Variants in DHX35 observed in about 807,000 individuals in gnomAD.
The protein encoded by DHX35 is DEAH-box helicase 35.
In DHX35, 84 loss-of-function variants were observed where a neutral mutation model predicts 99.6. The ratio of observed to expected loss-of-function variants is 0.84; its 90% CI spans 0.71 to 1.01. The LOEUF (loss-of-function observed/expected upper bound fraction) is 1.01. Among genes scored for constraint, DHX35 ranks in the 50% least tolerant of loss-of-function variants. The probability of loss-of-function intolerance (pLI) is 0.00; values close to 1 mark genes in which losing one functional copy is unlikely to be tolerated. For synonymous variants in DHX35, 331 were observed against 316.2 expected, an observed-to-expected ratio of 1.05 and a Z score of -0.50; for missense variants, 852 against 888.5, an observed-to-expected ratio of 0.96 and a Z score of 0.52.
chr20:39,037,228 G>A (rs1162435086), intron 21 of DHX35, among the ~76,000 whole-genome samples: 1 of 152,222 alleles, frequency 6.6e-6, no homozygotes, highest in Non-Finnish European at 1.5e-5. Flanking sequence ...TGTAGAGAGA[G>A]AATTCAGAGA....
intron 13 of DHX35, among the ~76,000 whole-genome samples, chr20:39,014,102 A>G (rs2086744562): frequency 6.6e-6 from 1 of 152,238 alleles, no homozygotes; most frequent in Non-Finnish European, 1.5e-5. Flanking sequence ...TGTTATGTGA[A>G]TGCATTTAGA....
chr20:39,038,590 C>T lies in DHX35; in HGVS notation c.*47C>T. 1 of 1,588,126 alleles carries T rather than the reference C, an allele frequency of 6.3e-7. No individual in the cohort carries two copies. The highest frequency in any genetic ancestry group is 2.3e-5 in the East Asian group (1 of 44,080). Reference sequence around the variant, plus strand: ...GCAGGGACTGCTGGCGTCCTCTCCTCCATGCTGCTGCCCCTGGTCCCAGGT... The same window carrying T: ...GCAGGGACTGCTGGCGTCCTCTCCTTCATGCTGCTGCCCCTGGTCCCAGGT... On this transcript the variant is annotated 3_prime_UTR_variant, in exon 22 of 22. Coordinates refer to ENST00000252011, the MANE Select transcript of DHX35 (RefSeq NM_021931.4).
Position 39,038,638 on chromosome 20 carries a change from T to C in DHX35, c.*95T>C. On this transcript the variant is annotated 3_prime_UTR_variant, in exon 22 of 22. Coordinates refer to ENST00000252011, the MANE Select transcript of DHX35 (RefSeq NM_021931.4). ...GGTGGGGTGAGCTGGCACCAGCTCCTGTGGAATGTTTGGTTGCTCTGAAGT... is the reference window on the plus strand; with the variant it reads ...GGTGGGGTGAGCTGGCACCAGCTCCCGTGGAATGTTTGGTTGCTCTGAAGT... 2 of 1,313,944 alleles carry C rather than the reference T, an allele frequency of 1.5e-6. No homozygotes were observed. The highest frequency in any genetic ancestry group is 1.2e-5 in the South Asian group (1 of 80,430). The allele number at this position is 1,313,944 out of a possible 1,614,324, so 81.4% of individuals were successfully genotyped here.
At chr20:38,963,974 T>G (rs1390958729) in intron 1 of DHX35, among the ~76,000 whole-genome samples, 17 of 152,204 alleles carry the variant, frequency 1.1e-4, no homozygotes, top group Admixed American at 1.1e-3. Flanking sequence ...TCTCAAAGTC[T>G]CAGTTACTCC....
At chr20:38,968,604 G>A (rs1386346491) in intron 1 of DHX35, among the ~76,000 whole-genome samples, 2 of 152,180 alleles carry the variant, frequency 1.3e-5, no homozygotes, top group East Asian at 3.9e-4. Context: ...CTGGAGTGCA[G>A]GGGCCCGATC....
At chr20:39,032,080 A>G (rs73908236) in intron 20 of DHX35, among the ~76,000 whole-genome samples, 3,104 of 152,300 alleles carry the variant, frequency 0.02, 121 homozygotes, top group African/African-American at 0.071. Context: ...TCTTGTTTAC[A>G]ATTTCATTTT....
chr20:39,027,540 C>T (rs1363378179), intron 18 of DHX35, among the ~76,000 whole-genome samples: 1 of 151,992 alleles, frequency 6.6e-6, no homozygotes, highest in Non-Finnish European at 1.5e-5. Context: ...CACTTTTTGC[C>T]AAAACATTGC....
At chr20:39,020,868 G>A (rs2145929555) in intron 15 of DHX35, among the ~76,000 whole-genome samples, 1 of 152,110 alleles carries the variant, frequency 6.6e-6, no homozygotes, top group Middle Eastern at 3.4e-3. Flanking sequence ...TCACTATGTT[G>A]GCCAGGCTGG....
intron 3 of DHX35, among the ~76,000 whole-genome samples, chr20:38,980,402 T>A (rs369208086): frequency 6.6e-6 from 1 of 152,132 alleles, no homozygotes; most frequent in South Asian, 2.1e-4. Flanking sequence ...ACCTTCCTTA[T>A]AGAATTTGTT....
rs200360241 is a variant in DHX35, at chr20:38,969,057, G to GA, written c.41-15dup. ...TTCTGTTCATTGTATCAGAGAATCT[G>GA]AAAAAAAAACATTTCTGCTGCAGGT... On this transcript the variant is annotated intron_variant, in intron 1 of 21. Coordinates refer to ENST00000252011, the MANE Select transcript of DHX35 (RefSeq NM_021931.4). 6.1e-3 allele frequency: 9,246 copies of GA among 1,521,998 alleles called. 206 individuals are homozygous for GA. In the African/African-American group the frequency reaches 0.079, roughly 13 times the overall value. The allele number at this position is 1,521,998 out of a possible 1,614,324, so 94.3% of individuals were successfully genotyped here.
rs2086013289 is a variant in DHX35 at position 38,972,265 on chromosome 20, C to T, written c.175-294C>T. The stretch of plus-strand genomic sequence containing the variant: ...CCTCATGATCCACCCCCGGCCCTGG[C>T]CTCCCAAAGTGCTGGGATTGCAGGC... On this transcript the variant is annotated intron_variant, in intron 2 of 21. Transcript: ENST00000252011. 1.3e-5 allele frequency among the ~76,000 whole-genome samples: 2 copies of T among 152,158 alleles called. 1 individual carries two copies. Among genetic ancestry groups the T allele is most frequent in the African/African-American group, 4.8e-5 (2 of 41,448 alleles).
chr20:39,004,216 C>T (rs1395437576), intron 11 of DHX35, among the ~76,000 whole-genome samples: 3 of 152,122 alleles, frequency 2.0e-5, no homozygotes, highest in African/African-American at 7.2e-5. Flanking sequence ...GCGCCCGCCA[C>T]CACACCCGGC....
rs201437111 is a variant in DHX35 at position 39,018,907 on chromosome 20, G to C, written c.1498+8G>C. 4.3e-6 allele frequency: 7 copies of C among 1,613,126 alleles called. No individual in the cohort carries two copies. The highest frequency in any genetic ancestry group is 5.9e-6 in the Non-Finnish European group (7 of 1,179,204). On this transcript the variant is annotated splice_region_variant and intron_variant, in intron 15 of 21. Coordinates refer to ENST00000252011, the MANE Select transcript of DHX35 (RefSeq NM_021931.4). ...AAATGCTGCTTGAATCAGGTGGGTA[G>C]AGCCTGATAGCTTGAATTGATTTTA...
chr20:39,008,172 AG>A (rs1332712079), intron 12 of DHX35, among the ~76,000 whole-genome samples: 2 of 152,242 alleles, frequency 1.3e-5, no homozygotes, highest in African/African-American at 4.8e-5. Context: ...GGCTTCTTTT[AG>A]CATAATGGTT....
At position 39,024,847 on chromosome 20, in the gene DHX35, C is replaced by T. The variant is rs62202596; in HGVS notation, c.1672-383C>T. Reference sequence around the variant, plus strand: ...AAATTATTTCTACATTGGCAAGTGTCATATTGTTGGCTTCTAGTATAATAA... The same window carrying T: ...AAATTATTTCTACATTGGCAAGTGTTATATTGTTGGCTTCTAGTATAATAA... On this transcript the variant is annotated intron_variant, in intron 17 of 21. Transcript: ENST00000252011. Among the ~76,000 whole-genome samples the T allele has an allele frequency of 8.5e-3, 1,300 of 152,272 alleles. 20 individuals carry two copies. Among genetic ancestry groups the T allele is most frequent in the African/African-American group, 0.03 (1,239 of 41,558 alleles).
intron 7 of DHX35, among the ~76,000 whole-genome samples, chr20:38,993,923 A>G (rs2086382009): frequency 6.6e-6 from 1 of 152,144 alleles, no homozygotes; most frequent in Admixed American, 6.5e-5. Flanking sequence ...TGTGCAAATT[A>G]GAAAAAGATG....
rs539826915 is a variant in DHX35 at position 38,987,058 on chromosome 20, A to G, written c.346-1755A>G. 2.6e-5 allele frequency among the ~76,000 whole-genome samples: 4 copies of G among 152,230 alleles called. No individual in the cohort carries two copies. In the South Asian group the frequency reaches 6.2e-4, roughly 24 times the overall value. On this transcript the variant is annotated intron_variant, in intron 4 of 21. Transcript: ENST00000252011. ...CACCACATGTGCCAGCCATGTTCTA[A>G]AGTCAGGACTTGGGAACTGCGTGGG...
intron 20 of DHX35, among the ~76,000 whole-genome samples, chr20:39,031,622 C>G (rs2087054823): frequency 6.6e-6 from 1 of 152,202 alleles, no homozygotes; most frequent in Non-Finnish European, 1.5e-5. Context: ...CAGGCATGAG[C>G]CACTGTACCC....
At chr20:39,034,650 C>T (rs534972728) in intron 21 of DHX35, among the ~76,000 whole-genome samples, 151 of 151,314 alleles carry the variant, frequency 1.0e-3, no homozygotes, top group African/African-American at 3.5e-3. Flanking sequence ...TGCAGTGGCA[C>T]GATCATGGCT....
Sources: gnomAD v4.1 joint callset for allele counts (sites outside exome capture counted in the v4.1 genomes callset) on GRCh38, gnomAD v4.1.1 for gene constraint, MANE v1.5 for transcripts, NCBI Gene and HGNC (gene_info 2026-07-23, HGNC 2026-07-21) for gene names.